Variants in DNAAF4 observed in about 807,000 individuals in gnomAD.
DNAAF4 encodes dynein assembly factor 4, axonemal.
DNAAF4 carries 43 observed loss-of-function variants against 51.8 expected under a neutral mutation model. The observed-to-expected ratio is 0.83, with a 90% CI of 0.65 to 1.07. DNAAF4 has a LOEUF of 1.07. Among genes scored for constraint, DNAAF4 ranks in the 50% least tolerant of loss-of-function variants. The probability of loss-of-function intolerance (pLI) is 0.00; values close to 1 mark genes in which losing one functional copy is unlikely to be tolerated. For synonymous variants in DNAAF4, 194 were observed against 165.6 expected (o/e 1.17, Z -1.32); for missense variants, 581 against 493.0 (o/e 1.18, Z -1.69).
intron 5 of DNAAF4, 118 bp from the exon 6 acceptor site, chr15:55,450,485 A>G: frequency 8.4e-7 from 1 of 1,189,832 alleles, no homozygotes; most frequent in East Asian, 2.4e-5. Context: ...TAAATCAAAT[A>G]TATTTTCTGC....
intron 5 of DNAAF4, among the ~76,000 whole-genome samples, chr15:55,453,963 T>G (rs548291190): frequency 2.6e-5 from 4 of 152,124 alleles, no homozygotes; most frequent in African/African-American, 9.6e-5. Context: ...AGAAGATAGA[T>G]CTGAGGATAT....
At chr15:55,470,548 T>G (rs1020601115) in intron 4 of DNAAF4, among the ~76,000 whole-genome samples, 4 of 151,414 alleles carry the variant, frequency 2.6e-5, no homozygotes, top group Admixed American at 2.6e-4. Flanking sequence ...GACTGGGTTT[T>G]TTTTTTTTTT....
intron 4 of DNAAF4, among the ~76,000 whole-genome samples, chr15:55,473,198 A>AAATATATATATATATATAT (rs1209754897): frequency 1.3e-5 from 1 of 75,750 alleles, no homozygotes; most frequent in African/African-American, 5.4e-5. Context: ...AAAAAAAAAA[A>AAATATATATATATATATAT]ATATATATAT....
At chr15:55,463,172 T>TCA (rs3221985) in intron 5 of DNAAF4, among the ~76,000 whole-genome samples, 11,882 of 140,138 alleles carry the variant, frequency 0.085, 518 homozygotes, top group South Asian at 0.13. Flanking sequence ...AGACTCTGTC[T>TCA]CACACACACA....
intron 4 of DNAAF4, among the ~76,000 whole-genome samples, chr15:55,487,640 G>A (rs1207343666): frequency 1.3e-5 from 2 of 151,898 alleles, no homozygotes; most frequent in Non-Finnish European, 2.9e-5. Context: ...AACTCAGCAA[G>A]ACCACGAACC....
chr15:55,497,649 T>G, intron 3 of DNAAF4, 63 bp downstream of exon 3: 1 of 1,530,610 alleles, frequency 6.5e-7, no homozygotes, highest in Non-Finnish European at 8.8e-7. Context: ...AAAATAAAAT[T>G]TTTTAAAAGG....
chr15:55,418,559 C>T (rs1190416587), intron 7 of DNAAF4: 3 of 1,459,160 alleles, frequency 2.1e-6, no homozygotes, highest in East Asian at 2.5e-5. Flanking sequence ...TAATATTCAA[C>T]ACACTCTATG....
intron 4 of DNAAF4, among the ~76,000 whole-genome samples, chr15:55,473,198 A>AAAAAATAT (rs1209754897): frequency 0.11 from 8,350 of 75,644 alleles, 1,165 homozygotes; most frequent in South Asian, 0.13. Context: ...AAAAAAAAAA[A>AAAAAATAT]ATATATATAT....
downstream of DNAAF4, among the ~76,000 whole-genome samples, chr15:55,426,692 T>C (rs182851675): frequency 6.6e-6 from 1 of 152,288 alleles, no homozygotes; most frequent in Admixed American, 6.5e-5. Flanking sequence ...AGTGCTGGAA[T>C]TACAGGCATG....
intron 1 of DNAAF4, among the ~76,000 whole-genome samples, chr15:55,507,808 A>C (rs530930162): frequency 2.6e-5 from 4 of 152,290 alleles, no homozygotes; most frequent in Non-Finnish European, 4.4e-5. Context: ...ATGCCACTGC[A>C]CTCTAGCCTG....
intron 9 of DNAAF4, among the ~76,000 whole-genome samples, chr15:55,431,201 C>T (rs1054462586): frequency 6.6e-6 from 1 of 152,130 alleles, no homozygotes; most frequent in Non-Finnish European, 1.5e-5. Flanking sequence ...GTGTGAGCCA[C>T]CGTGCCCGGC....
At chr15:55,489,022 G>C (rs2058531705) in intron 4 of DNAAF4, among the ~76,000 whole-genome samples, 1 of 151,822 alleles carries the variant, frequency 6.6e-6, no homozygotes, top group African/African-American at 2.4e-5. Context: ...CCAGGATGCA[G>C]AGCTTGCAGT....
chr15:55,457,213 G>A (rs187884183), intron 5 of DNAAF4, among the ~76,000 whole-genome samples: 157 of 152,250 alleles, frequency 1.0e-3, no homozygotes, highest in African/African-American at 3.7e-3. Flanking sequence ...AGTGCGGTTG[G>A]GGTGGCATGG....
At chr15:55,484,498 A>C (rs11854672) in intron 4 of DNAAF4, among the ~76,000 whole-genome samples, 40,619 of 151,452 alleles carry the variant, frequency 0.27, 6,106 homozygotes, top group Non-Finnish European at 0.35. Flanking sequence ...AAAAAAAAAA[A>C]AAAAAACAGA....
intron 4 of DNAAF4, among the ~76,000 whole-genome samples, chr15:55,476,691 T>C (rs1242287778): frequency 1.3e-5 from 2 of 152,024 alleles, no homozygotes; most frequent in Admixed American, 6.6e-5. Context: ...CTAAAAAATA[T>C]AAAACAGTCA....
intron 8 of DNAAF4, among the ~76,000 whole-genome samples, chr15:55,433,939 A>AT (rs1555413845): frequency 3.6e-4 from 2 of 5,510 alleles, no homozygotes; most frequent in African/African-American, 7.6e-4. Context: ...TATATAAAAT[A>AT]TATATAATAT....
intron 4 of DNAAF4, among the ~76,000 whole-genome samples, chr15:55,477,360 TA>T (rs890765458): frequency 6.6e-6 from 1 of 152,158 alleles, no homozygotes; most frequent in African/African-American, 2.4e-5. Context: ...TTTATTTATT[TA>T]AAAACCTAAG....
chr15:55,437,631 G>A (rs1248520027), intron 7 of DNAAF4, among the ~76,000 whole-genome samples: 3 of 152,290 alleles, frequency 2.0e-5, no homozygotes, highest in Non-Finnish European at 2.9e-5. Context: ...CCTGGATGAT[G>A]TAGGTGGGAC....
chr15:55,425,627 A>G (rs1166795926), downstream of DNAAF4, among the ~76,000 whole-genome samples: 1 of 152,050 alleles, frequency 6.6e-6, no homozygotes, highest in East Asian at 1.9e-4. Flanking sequence ...CTTCTACACT[A>G]GGGAACCAAG....
Sources: allele counts gnomAD v4.1 joint callset (sites outside exome capture counted in the v4.1 genomes callset), GRCh38; gene constraint gnomAD v4.1.1; transcripts MANE v1.5; gene names NCBI Gene and HGNC (gene_info 2026-07-23, HGNC 2026-07-21).